TIAM1: variants seen among roughly 807,000 people sequenced by gnomAD.
TIAM1 encodes rho guanine nucleotide exchange factor TIAM1.
Under a neutral mutation model 163.5 loss-of-function variants are expected in TIAM1, and 65 were observed. The observed-to-expected ratio is 0.40, with a 90% confidence interval of 0.33 to 0.49. The LOEUF is 0.49. TIAM1 is among the 20% of genes least tolerant of loss of function. The pLI, the probability that TIAM1 is intolerant of heterozygous loss-of-function variation, is 0.77. For synonymous variants in TIAM1, 833 were observed against 810.1 expected, an observed-to-expected ratio of 1.03 and a Z score of -0.48; for missense variants, 1,789 against 2,044.7, an observed-to-expected ratio of 0.87 and a Z score of 2.41.
At chr21:31,462,072 T>C (rs566313136) in intron 2 of TIAM1, among the ~76,000 whole-genome samples, 1 of 152,208 alleles carries the variant, frequency 6.6e-6, no homozygotes, top group Non-Finnish European at 1.5e-5. Flanking sequence ...GTGTGATCCA[T>C]CTACTACAGC....
At chr21:31,369,038 G>GACCATCCCAGCTA (rs71318266) in intron 2 of TIAM1, among the ~76,000 whole-genome samples, 3 of 151,664 alleles carry the variant, frequency 2.0e-5, no homozygotes, top group African/African-American at 7.3e-5. Context: ...GGGAGATAGA[G>GACCATCCCAGCTA]ACATGGTGAA....
intron 2 of TIAM1, among the ~76,000 whole-genome samples, chr21:31,336,762 C>T (rs2075854343): frequency 6.6e-6 from 1 of 151,996 alleles, no homozygotes; most frequent in African/African-American, 2.4e-5. Flanking sequence ...TGGGGCAGTC[C>T]AGAAAGACAG....
chr21:31,388,016 G>A lies in TIAM1; in HGVS notation c.-368-48594C>T, dbSNP rs184215101. Among the ~76,000 whole-genome samples the A allele has an allele frequency of 1.7e-3, 256 of 152,134 alleles. 1 individual carries two copies. Among genetic ancestry groups the A allele is most frequent in the African/African-American group, 5.9e-3 (244 of 41,508 alleles). ...GCACCTTCTCTCACTCTGTTGCTCA[G>A]GCTTTCACCATGTGACATGCCTGTT... On this transcript the variant is annotated intron_variant, in intron 2 of 28. Coordinates refer to the TIAM1 transcript ENST00000286827.
At chr21:31,180,337 G>C (rs976027042) in intron 15 of TIAM1, among the ~76,000 whole-genome samples, 5 of 152,210 alleles carry the variant, frequency 3.3e-5, no homozygotes, top group African/African-American at 7.2e-5. Flanking sequence ...AAGGGCCATA[G>C]AGTAAACACT....
At chr21:31,214,190 T>C (rs2087044445) in intron 9 of TIAM1, among the ~76,000 whole-genome samples, 1 of 151,898 alleles carries the variant, frequency 6.6e-6, no homozygotes, top group African/African-American at 2.4e-5. Flanking sequence ...CCATGCATAG[T>C]GGCATGCTCC....
At chr21:31,359,124 T>A (rs1275613021) in intron 2 of TIAM1, among the ~76,000 whole-genome samples, 1 of 152,162 alleles carries the variant, frequency 6.6e-6, no homozygotes, top group Non-Finnish European at 1.5e-5. Context: ...CTACCCCGCT[T>A]ACCTCCCAGA....
chr21:31,176,956 C>A (rs1465430952), intron 15 of TIAM1, among the ~76,000 whole-genome samples: 1 of 152,116 alleles, frequency 6.6e-6, no homozygotes, highest in African/African-American at 2.4e-5. Context: ...GTTCTTTCTA[C>A]TCGAGAAAGG....
chr21:31,118,670 T>C lies in TIAM1; in HGVS notation c.*1698A>G, dbSNP rs1382033709. The C allele has an allele frequency of 6.4e-6, 3 of 470,962 alleles. No homozygotes were observed. The highest frequency in any genetic ancestry group is 1.3e-5 in the Non-Finnish European group (3 of 227,038). The allele number at this position is 470,962 out of a possible 1,614,324, so 29.2% of individuals were successfully genotyped here. A position where few individuals can be genotyped will look rare whatever the true frequency, so the allele number is the denominator to read the frequency against. ...TAGAAGCCTCTGCTTCCGTTTTCCATCTGGACGCGATCGAACCGGAGATGA... is the reference window on the plus strand; with the variant it reads ...TAGAAGCCTCTGCTTCCGTTTTCCACCTGGACGCGATCGAACCGGAGATGA... On this transcript the variant is annotated 3_prime_UTR_variant, in exon 28 of 28. Transcript: ENST00000541036.
chr21:31,150,290 C>T (rs2083316698), intron 19 of TIAM1, among the ~76,000 whole-genome samples: 1 of 152,054 alleles, frequency 6.6e-6, no homozygotes, highest in African/African-American at 2.4e-5. Context: ...AACACATACA[C>T]AAAAAAACAT....
At chr21:31,480,910 C>T (rs12483246) in intron 1 of TIAM1, among the ~76,000 whole-genome samples, 100 of 152,248 alleles carry the variant, frequency 6.6e-4, no homozygotes, top group African/African-American at 2.3e-3. Flanking sequence ...TGAGCCCCCA[C>T]GCCCAACTAA....
chr21:31,488,366 AG>A (rs1239812704), intron 1 of TIAM1, among the ~76,000 whole-genome samples: 1 of 152,210 alleles, frequency 6.6e-6, no homozygotes, highest in Non-Finnish European at 1.5e-5. Flanking sequence ...CAGTGTATTC[AG>A]GGGGATGGGG....
In TIAM1 at chr21:31,270,706, A is replaced by G. The variant is rs1034071322; in HGVS notation, c.-11-3723T>C. On this transcript the variant is annotated intron_variant, in intron 3 of 27. Coordinates refer to ENST00000541036, the MANE Select transcript of TIAM1 (RefSeq NM_001353694.2). ...AATTCATACACTTTCTTAAAACACT[A>G]TGAGATTTTTTTGCAATTTTGGTTT... Among the ~76,000 whole-genome samples, 4 of 152,204 alleles carry G rather than the reference A, an allele frequency of 2.6e-5. No homozygotes were observed. In the East Asian group the frequency reaches 7.7e-4, roughly 29 times the overall value.
rs558990748 is a variant in TIAM1 at position 31,168,603 on chromosome 21, T to C, written c.2888-3538A>G. 2.6e-5 allele frequency among the ~76,000 whole-genome samples: 4 copies of C among 152,282 alleles called. No individual in the cohort carries two copies. In the East Asian group the frequency reaches 7.7e-4, roughly 29 times the overall value. ...TTTTAGTAGAGACAGGGTTTCACCA[T>C]GTTAGCCAGGATGGTCTCGATCTCC... On this transcript the variant is annotated intron_variant, in intron 15 of 27. Transcript: ENST00000541036.
intron 1 of TIAM1, among the ~76,000 whole-genome samples, chr21:31,557,774 G>A (rs1324967252): frequency 6.6e-6 from 1 of 152,132 alleles, no homozygotes; most frequent in Non-Finnish European, 1.5e-5. Flanking sequence ...CAGCGCGCGG[G>A]AAAAGGCAGG....
chr21:31,311,249 A>G (rs1229068347), intron 2 of TIAM1, among the ~76,000 whole-genome samples: 2 of 151,888 alleles, frequency 1.3e-5, no homozygotes, highest in East Asian at 3.9e-4. Flanking sequence ...TCCAAAGGGG[A>G]GCAGGAGGGC....
chr21:31,386,780 A>G (rs1333410606), intron 2 of TIAM1, among the ~76,000 whole-genome samples: 1 of 152,204 alleles, frequency 6.6e-6, no homozygotes, highest in Non-Finnish European at 1.5e-5. Flanking sequence ...GGTGACTGAA[A>G]CAAGGTTTTG....
intron 2 of TIAM1, among the ~76,000 whole-genome samples, chr21:31,443,788 GT>G (rs1462096074): frequency 6.6e-6 from 1 of 152,148 alleles, no homozygotes; most frequent in East Asian, 1.9e-4. Context: ...AACTATTGTG[GT>G]TTTCCAAGTT....
At chr21:31,230,781 G>C (rs1435527155) in intron 6 of TIAM1, among the ~76,000 whole-genome samples, 3 of 152,126 alleles carry the variant, frequency 2.0e-5, no homozygotes, top group African/African-American at 7.2e-5. Context: ...TGATCCGCCA[G>C]CCTCAGCCTC....
At chr21:31,264,023 T>C (rs2072622137) in intron 4 of TIAM1, among the ~76,000 whole-genome samples, 1 of 152,160 alleles carries the variant, frequency 6.6e-6, no homozygotes, top group Non-Finnish European at 1.5e-5. Context: ...TCAGAAGAGA[T>C]GGGTTTAAAA....
Sources: gnomAD v4.1 joint callset for allele counts (sites outside exome capture counted in the v4.1 genomes callset) on GRCh38, gnomAD v4.1.1 for gene constraint, MANE v1.5 for transcripts, NCBI Gene and HGNC (gene_info 2026-07-23, HGNC 2026-07-21) for gene names.